CSMD1: variants seen among roughly 807,000 people sequenced by gnomAD.
CSMD1 encodes the protein CUB and Sushi multiple domains 1, also known as CUB and sushi domain-containing protein 1.
In CSMD1, 213 loss-of-function variants were observed where a neutral mutation model predicts 417.5. The ratio of observed to expected loss-of-function variants is 0.51; its 90% CI spans 0.46 to 0.57. The LOEUF is 0.57. Ranked by LOEUF, CSMD1 falls within the 20% of genes least tolerant of loss-of-function variation. CSMD1 has a pLI of 0.00. For synonymous variants in CSMD1, 2,862 were observed against 1,736.8 expected, an observed-to-expected ratio of 1.65 and a Z score of -16.11; for missense variants, 6,923 against 4,529.7, an observed-to-expected ratio of 1.53 and a Z score of -15.17.
intron 54 of CSMD1, among the ~76,000 whole-genome samples, chr8:2,992,881 G>A (rs1806521738): frequency 6.6e-6 from 1 of 151,870 alleles, no homozygotes; most frequent in Admixed American, 6.6e-5. Flanking sequence ...GGAACTACGG[G>A]CATGTACCTA....
chr8:4,579,591 T>A (rs905714833), intron 2 of CSMD1, among the ~76,000 whole-genome samples: 1 of 152,022 alleles, frequency 6.6e-6, no homozygotes, highest in African/African-American at 2.4e-5. Context: ...CTCGAGATCC[T>A]CACCTCATGA....
At chr8:3,523,654 C>A (rs1009183808) in intron 10 of CSMD1, among the ~76,000 whole-genome samples, 2 of 143,956 alleles carry the variant, frequency 1.4e-5, no homozygotes, top group Non-Finnish European at 3.0e-5. Flanking sequence ...CACACAGGCA[C>A]AGTTACACAT....
In CSMD1 at chr8:4,044,268, T is replaced by C. The variant is rs371304730; in HGVS notation, c.416-12169A>G. On this transcript the variant is annotated intron_variant, in intron 3 of 69. Transcript: ENST00000635120. ...TACTTCCTTATTGCAAATTAAAAAA[T>C]ATAAAAATGGCAAAGGAAAAACAGA... is the stretch of plus-strand genomic sequence containing the variant. Among the ~76,000 whole-genome samples, 18 of 152,190 alleles carry C rather than the reference T, an allele frequency of 1.2e-4. No homozygotes were observed. The South Asian group carries it at 2.1e-3, about 18-fold the overall frequency.
At chr8:3,560,210 G>C (rs78390273) in intron 10 of CSMD1, among the ~76,000 whole-genome samples, 1 of 152,012 alleles carries the variant, frequency 6.6e-6, no homozygotes, top group Non-Finnish European at 1.5e-5. Flanking sequence ...AGAAATTCAA[G>C]GTCCAAAGAA....
chr8:3,672,094 G>T (rs1359680908), intron 7 of CSMD1, among the ~76,000 whole-genome samples: 1 of 152,098 alleles, frequency 6.6e-6, no homozygotes, highest in African/African-American at 2.4e-5. Context: ...CATTCTAAAA[G>T]GTTGATGCAG....
chr8:4,216,581 C>A (rs190409762), intron 3 of CSMD1, among the ~76,000 whole-genome samples: 23 of 152,114 alleles, frequency 1.5e-4, no homozygotes, highest in African/African-American at 5.1e-4. Context: ...GCCAACGGAG[C>A]CCTCCAGATG....
intron 1 of CSMD1, chr8:4,787,199 CG>C: frequency 2.2e-6 from 1 of 452,122 alleles, no homozygotes; most frequent in Non-Finnish European, 4.1e-6. Context: ...CGCAGGGTCG[CG>C]GGGCCCCGCC....
chr8:4,167,259 C>T (rs905036018), intron 3 of CSMD1, among the ~76,000 whole-genome samples: 52 of 152,046 alleles, frequency 3.4e-4, no homozygotes, highest in African/African-American at 1.2e-3. Flanking sequence ...GTGAGAAAAA[C>T]AGTTTTTCCT....
chr8:4,814,196 T>TTGTGTGTGTGTG (rs35824182), intron 1 of CSMD1, among the ~76,000 whole-genome samples: 1 of 149,704 alleles, frequency 6.7e-6, no homozygotes, highest in Admixed American at 6.7e-5. Context: ...CAGAATGATT[T>TTGTGTGTGTGTG]TGTGTGTGTG....
chr8:4,075,228 G>C (rs1180123518), intron 3 of CSMD1, among the ~76,000 whole-genome samples: 4 of 152,102 alleles, frequency 2.6e-5, no homozygotes, highest in African/African-American at 7.2e-5. Flanking sequence ...AGTATGTGCA[G>C]CTTAAGGACT....
At chr8:3,947,889 A>G (rs1014135774) in intron 5 of CSMD1, among the ~76,000 whole-genome samples, 4 of 152,156 alleles carry the variant, frequency 2.6e-5, no homozygotes, top group African/African-American at 9.7e-5. Context: ...TACCTGTTCT[A>G]TTAGTTAAAA....
chr8:3,219,519 G>T, intron 28 of CSMD1, 77 bp from the exon 29 acceptor site: 1 of 1,049,500 alleles, frequency 9.5e-7, no homozygotes, highest in Non-Finnish European at 1.3e-6. Context: ...TTTGAGCTCA[G>T]AAAGTGATTT....
chr8:3,732,189 G>C (rs776562816), intron 6 of CSMD1, among the ~76,000 whole-genome samples: 1 of 152,194 alleles, frequency 6.6e-6, no homozygotes, highest in Non-Finnish European at 1.5e-5. Flanking sequence ...CTTGGGAACA[G>C]AGTCTTTCCG....
At position 4,893,210 on chromosome 8, in the gene CSMD1, T is replaced by C. The variant is rs530945088; in HGVS notation, c.85+101122A>G. The stretch of plus-strand genomic sequence containing the variant: ...CTTTATTAACTCACTAAAATAGTTG[T>C]ATTGGTATCTGAATTTCTTCTTTTA... On this transcript the variant is annotated intron_variant, in intron 1 of 69. Transcript: ENST00000635120. Among the ~76,000 whole-genome samples, 9 of 152,310 alleles carry C rather than the reference T, an allele frequency of 5.9e-5. No individual in the cohort carries two copies. In the South Asian group the frequency reaches 1.0e-3, roughly 18 times the overall value.
At chr8:4,603,662 T>G (rs527340073) in intron 2 of CSMD1, among the ~76,000 whole-genome samples, 1 of 152,064 alleles carries the variant, frequency 6.6e-6, no homozygotes, top group Admixed American at 6.6e-5. Flanking sequence ...TAAAATGACG[T>G]GGGTTTCTGT....
chr8:4,603,826 T>C (rs1390935319), intron 2 of CSMD1, among the ~76,000 whole-genome samples: 3 of 152,196 alleles, frequency 2.0e-5, no homozygotes, highest in Admixed American at 6.5e-5. Context: ...GCACACATTT[T>C]AAATATTGAA....
At chr8:3,972,135 T>C (rs1440843346) in intron 5 of CSMD1, among the ~76,000 whole-genome samples, 1 of 152,078 alleles carries the variant, frequency 6.6e-6, no homozygotes, top group Non-Finnish European at 1.5e-5. Context: ...ACGGCGAAAG[T>C]GCTGGGATGA....
At chr8:4,910,361 A>G (rs1337551703) in intron 1 of CSMD1, among the ~76,000 whole-genome samples, 1 of 152,210 alleles carries the variant, frequency 6.6e-6, no homozygotes, top group African/African-American at 2.4e-5. Flanking sequence ...TTTGGCTGCT[A>G]TAAAAAATAC....
chr8:4,616,593 C>G (rs74360856), intron 2 of CSMD1, among the ~76,000 whole-genome samples: 7,721 of 152,238 alleles, frequency 0.051, 259 homozygotes, highest in Non-Finnish European at 0.073. Context: ...ATACAAAACA[C>G]TATAGAATAA....
Sources: allele counts gnomAD v4.1 joint callset (sites outside exome capture counted in the v4.1 genomes callset), GRCh38; gene constraint gnomAD v4.1.1; transcripts MANE v1.5; gene names NCBI Gene and HGNC (gene_info 2026-07-23, HGNC 2026-07-21).